The following IMMP2L variants were observed in gnomAD, a reference collection of about 807,000 sequenced individuals.
IMMP2L encodes mitochondrial inner membrane protease subunit 2.
IMMP2L carries 18 observed loss-of-function variants against 19.3 expected under a neutral mutation model. That is an observed-to-expected ratio of 0.93 (90% CI 0.64 to 1.38). The LOEUF (loss-of-function observed/expected upper bound fraction) is 1.38. IMMP2L is among the 40% of genes most tolerant of loss of function. The pLI, the probability that IMMP2L is intolerant of heterozygous loss-of-function variation, is 0.00. For missense variants in IMMP2L, 233 were observed against 218.2 expected (o/e 1.07, Z -0.43); for synonymous variants, 76 against 73.0 (o/e 1.04, Z -0.21).
At chr7:110,748,508 G>T (rs1474901805) in intron 5 of IMMP2L, among the ~76,000 whole-genome samples, 1 of 152,096 alleles carries the variant, frequency 6.6e-6, no homozygotes, top group African/African-American at 2.4e-5. Context: ...ACATTACAAG[G>T]CTACAGTAAC....
At chr7:110,764,884 T>C (rs944292387) in intron 5 of IMMP2L, among the ~76,000 whole-genome samples, 1 of 152,098 alleles carries the variant, frequency 6.6e-6, no homozygotes, top group African/African-American at 2.4e-5. Flanking sequence ...CCAACCAAGA[T>C]GTTATTAAAA....
At chr7:111,062,358 C>G (rs1281086470) in intron 3 of IMMP2L, among the ~76,000 whole-genome samples, 2 of 152,124 alleles carry the variant, frequency 1.3e-5, no homozygotes, top group South Asian at 4.2e-4. Context: ...AAGACCCACC[C>G]TATAATTAAA....
At chr7:111,154,739 G>A (rs1262716465) in intron 3 of IMMP2L, among the ~76,000 whole-genome samples, 1 of 151,922 alleles carries the variant, frequency 6.6e-6, no homozygotes, top group East Asian at 1.9e-4. Flanking sequence ...ACATTAGTTC[G>A]GTTTCCTTTC....
At chr7:111,065,375 T>C (rs1794397357) in intron 3 of IMMP2L, among the ~76,000 whole-genome samples, 1 of 152,180 alleles carries the variant, frequency 6.6e-6, no homozygotes, top group Non-Finnish European at 1.5e-5. Context: ...TGTCTTTATT[T>C]GAAGATTAGG....
chr7:110,930,625 T>C (rs1007257689), intron 4 of IMMP2L, among the ~76,000 whole-genome samples: 2 of 152,184 alleles, frequency 1.3e-5, no homozygotes, highest in Non-Finnish European at 2.9e-5. Flanking sequence ...AACTATAACA[T>C]AAAACCCAAA....
chr7:111,019,205 T>A (rs956689292), intron 3 of IMMP2L, among the ~76,000 whole-genome samples: 3 of 152,054 alleles, frequency 2.0e-5, no homozygotes, highest in African/African-American at 4.8e-5. Context: ...TCTGTTGGCA[T>A]TGAGAGGGAA....
intron 5 of IMMP2L, among the ~76,000 whole-genome samples, chr7:110,875,946 C>G (rs1401960393): frequency 6.6e-6 from 1 of 152,028 alleles, no homozygotes; most frequent in Non-Finnish European, 1.5e-5. Flanking sequence ...TATCAATATA[C>G]TTATTTTAAT....
intron 3 of IMMP2L, among the ~76,000 whole-genome samples, chr7:111,356,855 T>C (rs977964360): frequency 6.6e-6 from 1 of 151,994 alleles, no homozygotes; most frequent in Admixed American, 6.6e-5. Flanking sequence ...GGTGAAACCC[T>C]ATCTCCACTA....
Position 110,758,821 on chromosome 7 carries a change from T to C in IMMP2L, c.409-95100A>G, listed in dbSNP as rs1340616789. ...CTGGTCATTGCAGTGCCTGGAAAAT[T>C]AATGAGTTATATAAGTAAACCTCCC... On this transcript the variant is annotated intron_variant, in intron 5 of 5. Coordinates refer to ENST00000405709, the MANE Select transcript of IMMP2L (RefSeq NM_032549.4). This position sits in a 1 kb window ranked among gnomAD's most constrained non-coding sequence, Gnocchi z 4.6. 6.6e-6 allele frequency among the ~76,000 whole-genome samples: 1 copy of C among 152,034 alleles called. No individual in the cohort carries two copies. The highest frequency in any genetic ancestry group is 1.5e-5 in the Non-Finnish European group (1 of 68,004).
chr7:110,791,423 C>T (rs1800450718), intron 5 of IMMP2L, among the ~76,000 whole-genome samples: 1 of 151,534 alleles, frequency 6.6e-6, no homozygotes, highest in African/African-American at 2.4e-5. Flanking sequence ...TTTTTCTTAC[C>T]CTCTCCCCTA....
chr7:111,037,504 C>G (rs1027881442), intron 3 of IMMP2L, among the ~76,000 whole-genome samples: 1 of 152,088 alleles, frequency 6.6e-6, no homozygotes, highest in Non-Finnish European at 1.5e-5. Context: ...AAGGAGTACT[C>G]TCAAGCCAAG....
chr7:111,498,048 G>A (rs962480287), intron 2 of IMMP2L, among the ~76,000 whole-genome samples: 1 of 151,832 alleles, frequency 6.6e-6, no homozygotes, highest in Non-Finnish European at 1.5e-5. Context: ...TGTTTTTGAA[G>A]GGGAAAGCAT....
chr7:111,132,987 T>G (rs559282388), intron 3 of IMMP2L, among the ~76,000 whole-genome samples: 8 of 152,024 alleles, frequency 5.3e-5, no homozygotes, highest in Admixed American at 2.6e-4. Flanking sequence ...CCAAATGATA[T>G]GGCCAAGCTT....
At chr7:110,923,538 A>G (rs1382047760) in intron 4 of IMMP2L, among the ~76,000 whole-genome samples, 1 of 152,200 alleles carries the variant, frequency 6.6e-6, no homozygotes, top group Non-Finnish European at 1.5e-5. Flanking sequence ...AGGCTTTATT[A>G]TATGTCTACA....
intron 2 of IMMP2L, among the ~76,000 whole-genome samples, chr7:111,499,574 T>C (rs925740822): frequency 6.6e-6 from 1 of 151,850 alleles, no homozygotes; most frequent in Admixed American, 6.6e-5. Flanking sequence ...ACACCAAACA[T>C]ATAATGGAAA....
At chr7:111,376,294 C>T (rs1033231676) in intron 3 of IMMP2L, among the ~76,000 whole-genome samples, 1 of 152,004 alleles carries the variant, frequency 6.6e-6, no homozygotes, top group Non-Finnish European at 1.5e-5. Context: ...GGCCAATAAA[C>T]ACATAAAAAG....
chr7:110,696,190 C>T (rs1793860920), intron 5 of IMMP2L, among the ~76,000 whole-genome samples: 1 of 152,200 alleles, frequency 6.6e-6, no homozygotes, highest in Admixed American at 6.5e-5. Context: ...AAGGAGGACT[C>T]TGTCCAGACT....
At chr7:111,350,475 G>A (rs979374381) in intron 3 of IMMP2L, among the ~76,000 whole-genome samples, 1 of 151,924 alleles carries the variant, frequency 6.6e-6, no homozygotes, top group African/African-American at 2.4e-5. Flanking sequence ...TCCTAAAGCA[G>A]TACACAGTAG....
At position 111,492,568 on chromosome 7, in the gene IMMP2L, A is replaced by G. The variant is rs145087229; in HGVS notation, c.136-5227T>C. ...GTTCCCTTAAGGAAATTGGAAAATT[A>G]TATCTTGGTGTTCCAACAATGGGGA... is the stretch of plus-strand genomic sequence containing the variant. On this transcript the variant is annotated intron_variant, in intron 2 of 5. Coordinates refer to ENST00000405709, the MANE Select transcript of IMMP2L (RefSeq NM_032549.4). Among the ~76,000 whole-genome samples, 51 of 152,318 alleles carry G rather than the reference A, an allele frequency of 3.3e-4. 1 individual carries two copies. The East Asian group carries it at 9.6e-3, about 29-fold the overall frequency.
Sources: allele counts gnomAD v4.1 joint callset (sites outside exome capture counted in the v4.1 genomes callset), GRCh38; gene constraint gnomAD v4.1.1; non-coding constraint Gnocchi (gnomAD v3.1); transcripts MANE v1.5; gene names NCBI Gene and HGNC (gene_info 2026-07-23, HGNC 2026-07-21).